The following ATP2C2 variants were observed in gnomAD, a reference collection of about 807,000 sequenced individuals.
ATP2C2 encodes the protein calcium-transporting ATPase type 2C member 2.
A neutral mutation model predicts 110.8 loss-of-function variants in ATP2C2; 171 were observed. That is an observed-to-expected ratio of 1.54 (90% confidence interval 1.36 to 1.75). The LOEUF is 1.75. Ranked by LOEUF, ATP2C2 falls within the 40% of genes most tolerant of loss-of-function variation. ATP2C2 has a pLI of 0.00. For synonymous variants in ATP2C2, 804 were observed against 508.4 expected, an observed-to-expected ratio of 1.58 and a Z score of -7.82; for missense variants, 1,963 against 1,235.0, an observed-to-expected ratio of 1.59 and a Z score of -8.84.
At chr16:84,410,329 T>C (rs922210279) in intron 4 of ATP2C2, among the ~76,000 whole-genome samples, 1 of 152,084 alleles carries the variant, frequency 6.6e-6, no homozygotes, top group African/African-American at 2.4e-5. Flanking sequence ...GTGCCTTAAG[T>C]GTGTCTACGC....
intron 24 of ATP2C2, chr16:84,461,320 C>G: frequency 3.2e-6 from 1 of 310,160 alleles, no homozygotes; most frequent in Non-Finnish European, 6.0e-6. Flanking sequence ...GGGACCCTGG[C>G]CGGGTACCCT....
chr16:84,368,872 CTCA>C (rs1193585402), intron 1 of ATP2C2, among the ~76,000 whole-genome samples, 158 bp downstream of exon 1: 7 of 152,248 alleles, frequency 4.6e-5, no homozygotes, highest in African/African-American at 1.7e-4. Context: ...CAACCGCGCT[CTCA>C]TCTGCGCTCT....
At chr16:84,395,822 T>C (rs917694377) in intron 1 of ATP2C2, among the ~76,000 whole-genome samples, 6 of 152,176 alleles carry the variant, frequency 3.9e-5, no homozygotes, top group Non-Finnish European at 8.8e-5. Context: ...ATTTTTATTG[T>C]GGTAAAATAT....
chr16:84,443,494 C>T (rs1052644950), intron 15 of ATP2C2, among the ~76,000 whole-genome samples: 1 of 152,224 alleles, frequency 6.6e-6, no homozygotes, highest in Non-Finnish European at 1.5e-5. Context: ...CCAGCACGGA[C>T]CCCTCGCTGC....
intron 2 of ATP2C2, chr16:84,404,891 T>C (rs751283959): frequency 1.6e-6 from 1 of 623,134 alleles, no homozygotes; most frequent in South Asian, 1.5e-5. Flanking sequence ...TTTGTTGAAA[T>C]TTAAGACCAG....
At chr16:84,373,414 C>T (rs968193622) in intron 1 of ATP2C2, among the ~76,000 whole-genome samples, 9 of 152,104 alleles carry the variant, frequency 5.9e-5, no homozygotes, top group Admixed American at 3.9e-4. Flanking sequence ...GCAGAAGAAA[C>T]GCTTGAATGC....
At chr16:84,394,015 A>AG (rs1904823910) in intron 1 of ATP2C2, among the ~76,000 whole-genome samples, 1 of 145,048 alleles carries the variant, frequency 6.9e-6, no homozygotes, top group African/African-American at 2.6e-5. Context: ...AAAAAATAAA[A>AG]AAATAAAAAA....
intron 23 of ATP2C2, chr16:84,460,017 GCA>G: frequency 9.0e-6 from 2 of 223,214 alleles, no homozygotes; most frequent in South Asian, 1.5e-4. Flanking sequence ...AACCGTATGA[GCA>G]CAGAGCCAGT....
intron 1 of ATP2C2, among the ~76,000 whole-genome samples, chr16:84,378,351 G>C (rs1047789952): frequency 3.9e-5 from 6 of 152,150 alleles, no homozygotes; most frequent in African/African-American, 1.4e-4. Context: ...GATTTAGGCA[G>C]GTGTAATCTC....
At chr16:84,455,349 A>T (rs1426854801) in intron 21 of ATP2C2, among the ~76,000 whole-genome samples, 1 of 152,180 alleles carries the variant, frequency 6.6e-6, no homozygotes, top group Non-Finnish European at 1.5e-5. Flanking sequence ...GTGGCCAAAT[A>T]CGTGCTCACA....
intron 1 of ATP2C2, among the ~76,000 whole-genome samples, chr16:84,375,540 C>CAAAA (rs34953788): frequency 1.6e-4 from 21 of 130,878 alleles, no homozygotes; most frequent in Admixed American, 5.3e-4. Flanking sequence ...GACTCTGTCT[C>CAAAA]AAAAAAAAAA....
At chr16:84,459,579 G>T (rs1282022992) in intron 23 of ATP2C2, 193 bp downstream of exon 23, 2 of 1,536,272 alleles carry the variant, frequency 1.3e-6, no homozygotes, top group East Asian at 4.9e-5. Flanking sequence ...AAGTACCTGG[G>T]CCGGCAGAGC....
chr16:84,454,383 T>G (rs1910595544), intron 20 of ATP2C2, among the ~76,000 whole-genome samples: 1 of 152,222 alleles, frequency 6.6e-6, no homozygotes. Flanking sequence ...TAGACGGGCT[T>G]TCTTCTTTCA....
intron 3 of ATP2C2, chr16:84,406,519 C>A (rs1408400826): frequency 7.8e-6 from 7 of 900,900 alleles, no homozygotes; most frequent in Non-Finnish European, 8.0e-6. Flanking sequence ...ATTCCGGAAC[C>A]AATCACAGTC....
intron 1 of ATP2C2, among the ~76,000 whole-genome samples, chr16:84,394,439 C>G (rs993521979): frequency 3.3e-5 from 5 of 152,120 alleles, no homozygotes; most frequent in African/African-American, 1.2e-4. Context: ...AGTGGACTCA[C>G]ATACCGTGTG....
rs536844955 is a variant in ATP2C2 at position 84,379,522 on chromosome 16, G to A, written c.99+10808G>A. On this transcript the variant is annotated intron_variant, in intron 1 of 26. Transcript: ENST00000262429. ...TGTGGGCTGGGGACCAACAGTGTGA[G>A]CATCACCTGGGAGCTTGCCAGAAAT... is the stretch of plus-strand genomic sequence containing the variant. 4.6e-5 allele frequency among the ~76,000 whole-genome samples: 7 copies of A among 152,318 alleles called. No individual in the cohort carries two copies. The South Asian group carries it at 1.5e-3, about 32-fold the overall frequency.
In ATP2C2 at chr16:84,461,732, A is replaced by G. The variant is rs1425076322; in HGVS notation, c.2500A>G (p.Ser834Gly). 6.2e-7 allele frequency: 1 copy of G among 1,614,040 alleles called. No individual in the cohort carries two copies. The highest frequency in any genetic ancestry group is 2.2e-5 in the East Asian group (1 of 44,894). ...FWKEMPEDRA[S>G]TPRTTTMTFT... ...CTTCCAGATGCCTGAAGACAGAGCA[A>G]GCACTCCCCGCACCACGACGATGAC... The change falls in exon 25 of 27, where the codon AGC (serine) becomes GGC (glycine). Residue 834 changes from serine to glycine, a missense_variant. Transcript: ENST00000262429.
At chr16:84,397,872 A>G (rs1171164331) in intron 1 of ATP2C2, among the ~76,000 whole-genome samples, 1 of 151,778 alleles carries the variant, frequency 6.6e-6, no homozygotes, top group African/African-American at 2.4e-5. Context: ...GAAATCAGAC[A>G]AGAAAGCATG....
chr16:84,429,832 A>C (rs1473274233), intron 11 of ATP2C2, among the ~76,000 whole-genome samples: 1 of 152,110 alleles, frequency 6.6e-6, no homozygotes, highest in Non-Finnish European at 1.5e-5. Flanking sequence ...ACAGAAGCTT[A>C]TTCTCACCAT....
Sources: gnomAD v4.1 joint callset for allele counts (sites outside exome capture counted in the v4.1 genomes callset) on GRCh38, gnomAD v4.1.1 for gene constraint, MANE v1.5 for transcripts, NCBI Gene and HGNC (gene_info 2026-07-23, HGNC 2026-07-21) for gene names.